ASTN2: variants seen among roughly 807,000 people sequenced by gnomAD.
ASTN2 encodes astrotactin 2, also known as astrotactin-2.
A neutral mutation model predicts 139.8 loss-of-function variants in ASTN2; 54 were observed. That is an observed-to-expected ratio of 0.39 (90% CI 0.31 to 0.48). The LOEUF is 0.48. Ranked by LOEUF, ASTN2 falls within the 20% of genes least tolerant of loss-of-function variation. ASTN2 has a pLI of 0.95. For synonymous variants in ASTN2, 756 were observed against 719.5 expected (o/e 1.05, Z -0.81); for missense variants, 1,565 against 1,725.1 (o/e 0.91, Z 1.64).
chr9:117,260,883 G>A (rs1478712601), intron 2 of ASTN2, among the ~76,000 whole-genome samples: 1 of 152,144 alleles, frequency 6.6e-6, no homozygotes, highest in East Asian at 1.9e-4. Context: ...AATTGACGGG[G>A]AAGACTGAAT....
In ASTN2 at chr9:116,426,005, C is replaced by T. The variant is rs139072409; in HGVS notation, c.3866G>A (p.Arg1289His). 5.3e-5 allele frequency: 85 copies of T among 1,613,992 alleles called. No homozygotes were observed. The highest frequency in any genetic ancestry group is 3.8e-4 in the Admixed American group (23 of 60,000). The change falls in exon 23 of 23, where the codon CGC (arginine) becomes CAC (histidine). Residue 1289 changes from arginine (R) to histidine (H), a missense_variant. By Grantham distance (29) the Arg-to-His change is conservative. Transcript: ENST00000313400. ...GAAAAGATAGGGCACTGTTTCCACG[C>T]GGCTCTGGATGTAGGCACTCCGCAG... ...SLLRSAYIQS[R>H]VETVPYLFCR...
intron 13 of ASTN2, among the ~76,000 whole-genome samples, chr9:116,771,574 A>G (rs1829954710): frequency 6.6e-6 from 1 of 151,270 alleles, no homozygotes; most frequent in African/African-American, 2.4e-5. Context: ...GTAGGAGCTC[A>G]TGAATGAATG....
intron 16 of ASTN2, among the ~76,000 whole-genome samples, chr9:116,676,640 T>A (rs1020759277): frequency 8.5e-5 from 13 of 152,234 alleles, no homozygotes; most frequent in Admixed American, 3.3e-4. Context: ...AAAAATTTTT[T>A]TTGAGCAGTT....
chr9:117,095,377 G>A (rs1463369526), intron 5 of ASTN2, among the ~76,000 whole-genome samples: 1 of 152,182 alleles, frequency 6.6e-6, no homozygotes, highest in East Asian at 1.9e-4. Context: ...TTAGACCTTT[G>A]TGGAGTCCTG....
At chr9:117,356,662 A>T (rs887390347) in intron 1 of ASTN2, among the ~76,000 whole-genome samples, 1 of 152,200 alleles carries the variant, frequency 6.6e-6, no homozygotes, top group Non-Finnish European at 1.5e-5. Context: ...AAAGAAAATT[A>T]GAGTATGTCA....
chr9:116,457,882 G>A lies in ASTN2; in HGVS notation c.3498-15329C>T, dbSNP rs548153802. 3.9e-5 allele frequency among the ~76,000 whole-genome samples: 6 copies of A among 152,124 alleles called. No homozygotes were observed. The South Asian group carries it at 1.2e-3, about 32-fold the overall frequency. On this transcript the variant is annotated intron_variant, in intron 20 of 22. Transcript: ENST00000313400. ...CCAAAAGAAAGGAAATCAGTATATT[G>A]AAGAGACATCTGTACTCCCATGTTT...
At chr9:117,095,200 C>A (rs991914561) in intron 5 of ASTN2, among the ~76,000 whole-genome samples, 2 of 152,156 alleles carry the variant, frequency 1.3e-5, no homozygotes, top group Non-Finnish European at 2.9e-5. Context: ...CATGTTTGTA[C>A]CCCAGGAGAG....
intron 2 of ASTN2, among the ~76,000 whole-genome samples, chr9:117,269,669 C>G (rs577244197): frequency 6.6e-6 from 1 of 152,126 alleles, no homozygotes; most frequent in Non-Finnish European, 1.5e-5. Flanking sequence ...AGGCCCCGTG[C>G]GAATCATCAT....
chr9:116,871,346 A>G (rs1227075293), intron 10 of ASTN2, among the ~76,000 whole-genome samples: 1 of 152,234 alleles, frequency 6.6e-6, no homozygotes, highest in East Asian at 1.9e-4. Flanking sequence ...TATAATTCAC[A>G]TACCATATGA....
intron 1 of ASTN2, among the ~76,000 whole-genome samples, chr9:117,298,530 G>A (rs1834789524): frequency 6.6e-6 from 1 of 151,898 alleles, no homozygotes; most frequent in African/African-American, 2.4e-5. Flanking sequence ...AATCAAATGA[G>A]ATAATACAAA....
Position 116,976,206 on chromosome 9 carries a change from G to A in ASTN2, c.1677-18C>T. The stretch of plus-strand genomic sequence containing the variant: ...GCCAAGGTCTATGGGAAGAAGGAGA[G>A]GGGAGAGAAGATGACATTAGTCAGA... On this transcript the variant is annotated intron_variant, in intron 8 of 22. Transcript: ENST00000313400. 3 of 1,607,344 alleles carry A rather than the reference G, an allele frequency of 1.9e-6. No homozygotes were observed. Among genetic ancestry groups the A allele is most frequent in the Non-Finnish European group, 2.6e-6 (3 of 1,175,708 alleles).
At chr9:116,629,980 TA>T (rs1856664764) in intron 17 of ASTN2, among the ~76,000 whole-genome samples, 2 of 152,346 alleles carry the variant, frequency 1.3e-5, no homozygotes, top group Admixed American at 1.3e-4. Flanking sequence ...TCTTGTCAGT[TA>T]GTCCCATATT....
intron 4 of ASTN2, among the ~76,000 whole-genome samples, chr9:117,127,785 A>G (rs1330482860): frequency 3.6e-5 from 5 of 137,260 alleles, no homozygotes; most frequent in African/African-American, 1.4e-4. Flanking sequence ...GGTTCACGCC[A>G]TTCTCCTGCT....
At chr9:117,166,190 A>C (rs1445022987) in intron 3 of ASTN2, among the ~76,000 whole-genome samples, 1 of 152,074 alleles carries the variant, frequency 6.6e-6, no homozygotes, top group African/African-American at 2.4e-5. Context: ...TAATTCTAGA[A>C]TGTTCTCATT....
intron 19 of ASTN2, among the ~76,000 whole-genome samples, chr9:116,547,987 C>G (rs547436556): frequency 1.3e-5 from 2 of 152,200 alleles, no homozygotes; most frequent in African/African-American, 4.8e-5. Context: ...CCACCTGTCT[C>G]CACTCCTTGC....
intron 16 of ASTN2, among the ~76,000 whole-genome samples, chr9:116,705,268 A>G (rs980204667): frequency 8.5e-5 from 13 of 152,218 alleles, no homozygotes; most frequent in African/African-American, 2.4e-5. Flanking sequence ...GCCATTTAGC[A>G]GAATAAAAAG....
Position 117,217,174 on chromosome 9 carries a change from T to C in ASTN2, c.631-2432A>G, listed in dbSNP as rs185775707. Among the ~76,000 whole-genome samples, 388 of 152,206 alleles carry C rather than the reference T, an allele frequency of 2.5e-3. 1 individual carries two copies. The highest frequency in any genetic ancestry group is 8.8e-3 in the African/African-American group (366 of 41,532). On this transcript the variant is annotated intron_variant, in intron 2 of 22. Transcript: ENST00000313400. ...TGCATGAAAAGGGAAAAGGAAAGTA[T>C]TATTTTCAAATTCAGCCTCCAGATG... is the stretch of plus-strand genomic sequence containing the variant.
At chr9:116,570,139 A>G (rs1853437770) in intron 19 of ASTN2, among the ~76,000 whole-genome samples, 1 of 152,184 alleles carries the variant, frequency 6.6e-6, no homozygotes, top group African/African-American at 2.4e-5. Context: ...CTTTATCTGA[A>G]GCATGAAGCT....
intron 19 of ASTN2, among the ~76,000 whole-genome samples, chr9:116,512,164 C>G (rs552455700): frequency 6.6e-6 from 1 of 152,318 alleles, no homozygotes; most frequent in Non-Finnish European, 1.5e-5. Flanking sequence ...CCCTCACACA[C>G]TGCTTTAAAT....
Sources: gnomAD v4.1 joint callset for allele counts (sites outside exome capture counted in the v4.1 genomes callset) on GRCh38, gnomAD v4.1.1 for gene constraint, MANE v1.5 for transcripts, NCBI Gene and HGNC (gene_info 2026-07-23, HGNC 2026-07-21) for gene names.